Variants in METAP1D observed in about 807,000 individuals in gnomAD.
METAP1D encodes methionine aminopeptidase 1D, mitochondrial.
Under a neutral mutation model 40.5 loss-of-function variants are expected in METAP1D, and 31 were observed. That is an observed-to-expected ratio of 0.77 (90% CI 0.58 to 1.03). The LOEUF (loss-of-function observed/expected upper bound fraction) is 1.03. METAP1D is among the 50% of genes least tolerant of loss of function. The pLI, the probability that METAP1D is intolerant of heterozygous loss-of-function variation, is 0.00. For missense variants in METAP1D, 411 were observed against 420.7 expected (o/e 0.98, Z 0.20); for synonymous variants, 151 against 146.4 (o/e 1.03, Z -0.22).
chr2:172,017,235 T>TACACACACACAC (rs370746234), intron 1 of METAP1D, among the ~76,000 whole-genome samples: 2 of 139,438 alleles, frequency 1.4e-5, no homozygotes, highest in Admixed American at 7.4e-5. Context: ...TGAAAGGTTT[T>TACACACACACAC]ACACACACAC....
At chr2:172,028,228 A>G (rs1226504860) in intron 1 of METAP1D, among the ~76,000 whole-genome samples, 1 of 152,348 alleles carries the variant, frequency 6.6e-6, no homozygotes, top group East Asian at 1.9e-4. Context: ...CTGAGGCTCA[A>G]AGGCCATGAA....
At chr2:172,056,927 C>T (rs1048798824) in intron 1 of METAP1D, among the ~76,000 whole-genome samples, 2 of 152,136 alleles carry the variant, frequency 1.3e-5, no homozygotes, top group Admixed American at 1.3e-4. Flanking sequence ...TGTCTTCATT[C>T]TAAATGCTAA....
intron 1 of METAP1D, among the ~76,000 whole-genome samples, chr2:172,024,703 T>A (rs1233712668): frequency 6.6e-6 from 1 of 151,810 alleles, no homozygotes; most frequent in African/African-American, 2.4e-5. Flanking sequence ...AATGCCAAGC[T>A]ATTTCTTACA....
At chr2:172,056,005 G>A (rs569846649) in intron 1 of METAP1D, among the ~76,000 whole-genome samples, 29 of 152,130 alleles carry the variant, frequency 1.9e-4, no homozygotes, top group Non-Finnish European at 2.9e-4. Context: ...GAGGCCTGAT[G>A]ACTTCATGCT....
rs1689047311 is a variant in METAP1D at position 172,023,274 on chromosome 2, T to G, written c.40+23265T>G. The stretch of plus-strand genomic sequence containing the variant: ...ATTTGGAAATTTTAAAATGAAAAAT[T>G]GGGACACAGTCAAGTGGGAAAAGCA... On this transcript the variant is annotated intron_variant, in intron 1 of 9. Coordinates refer to ENST00000315796, the MANE Select transcript of METAP1D (RefSeq NM_199227.3). Among the ~76,000 whole-genome samples, 4 of 152,226 alleles carry G rather than the reference T, an allele frequency of 2.6e-5. No homozygotes were observed. The South Asian group carries it at 8.3e-4, about 32-fold the overall frequency.
At chr2:172,063,907 A>G (rs754896142) in intron 3 of METAP1D, 47 bp downstream of exon 3, 15 of 1,502,530 alleles carry the variant, frequency 1.0e-5, no homozygotes, top group Non-Finnish European at 1.3e-5. Flanking sequence ...GGGGCAACAA[A>G]CACTCCTCTT....
rs1284923898 is a variant in METAP1D at position 172,061,526 on chromosome 2, C to G, written c.69C>G (p.Leu23=). The G allele has an allele frequency of 2.5e-6, 4 of 1,612,596 alleles. No homozygotes were observed. The highest frequency in any genetic ancestry group is 1.1e-5 in the South Asian group (1 of 90,584). The change falls in exon 2 of 10, where the codon CTC becomes CTG. Residue 23 remains leucine, a synonymous_variant. Coordinates refer to ENST00000315796, the MANE Select transcript of METAP1D (RefSeq NM_199227.3). ...RGSHRIFSSP[L]NHIYLHKQSS... ...CTCATAGAATTTTCTCTTCACCACT[C>G]AATCATATCTACTTACACAAGCAGT...
At chr2:172,042,958 T>C (rs1399448972) in intron 1 of METAP1D, among the ~76,000 whole-genome samples, 1 of 126,730 alleles carries the variant, frequency 7.9e-6, no homozygotes, top group African/African-American at 2.7e-5. Flanking sequence ...TACCTGTGTA[T>C]ATATATGCGT....
rs1690667927 is a variant in METAP1D, at chr2:172,080,211, T to C, written c.929+5T>C. On this transcript the variant is annotated splice_donor_5th_base_variant and intron_variant, in intron 9 of 9. Coordinates refer to ENST00000315796, the MANE Select transcript of METAP1D (RefSeq NM_199227.3). ...GGTCTCCCTAGACAATCAAAGGTGT[T>C]TGCTTTCTGCTCTGTTGCTTTTAAA... 1.2e-6 allele frequency: 2 copies of C among 1,614,072 alleles called. No individual in the cohort carries two copies. Among genetic ancestry groups the C allele is most frequent in the Admixed American group, 3.3e-5 (2 of 60,002 alleles).
intron 1 of METAP1D, among the ~76,000 whole-genome samples, chr2:172,037,000 C>T (rs1165480665): frequency 6.6e-6 from 1 of 152,218 alleles, no homozygotes; most frequent in East Asian, 1.9e-4. Context: ...TGGCTCACGC[C>T]TGTAATTCCA....
At chr2:172,002,669 T>G (rs1435195530) in intron 1 of METAP1D, among the ~76,000 whole-genome samples, 1 of 152,130 alleles carries the variant, frequency 6.6e-6, no homozygotes, top group Non-Finnish European at 1.5e-5. Context: ...AGTTTTAAAT[T>G]GCAGAGAGGT....
chr2:172,073,367 T>A (rs1690468996), intron 6 of METAP1D, among the ~76,000 whole-genome samples: 1 of 151,892 alleles, frequency 6.6e-6, no homozygotes, highest in Non-Finnish European at 1.5e-5. Flanking sequence ...ATTCACTACA[T>A]TAATTCTAGC....
chr2:172,061,451 G>A (rs747662602), intron 1 of METAP1D, 47 bp from the exon 2 acceptor site: 50 of 1,534,150 alleles, frequency 3.3e-5, no homozygotes, highest in Non-Finnish European at 4.2e-5. Flanking sequence ...GTGGAGGACT[G>A]TGTTAGGTTG....
At chr2:172,008,115 GTATTATA>G (rs1460892501) in intron 1 of METAP1D, among the ~76,000 whole-genome samples, 1 of 151,018 alleles carries the variant, frequency 6.6e-6, no homozygotes, top group Non-Finnish European at 1.5e-5. Context: ...TTTGCTGATG[GTATTATA>G]TTCCACAGGG....
intron 1 of METAP1D, among the ~76,000 whole-genome samples, chr2:172,010,749 T>TG (rs1257706293): frequency 3.7e-5 from 3 of 80,020 alleles, no homozygotes; most frequent in Non-Finnish European, 9.8e-5. Flanking sequence ...CTGCCCAATG[T>TG]TTTTTTTTTT....
chr2:172,017,333 G>GTA (rs962716638), intron 1 of METAP1D, among the ~76,000 whole-genome samples: 2 of 148,840 alleles, frequency 1.3e-5, no homozygotes, highest in African/African-American at 4.9e-5. Flanking sequence ...ATATATATGT[G>GTA]TATATATATG....
chr2:172,078,039 G>C (rs1308640248), intron 7 of METAP1D, 145 bp downstream of exon 7: 2 of 373,282 alleles, frequency 5.4e-6, no homozygotes, highest in Non-Finnish European at 5.1e-6. Flanking sequence ...AGGGGAGGGG[G>C]GTCTGCTTAA....
intron 1 of METAP1D, among the ~76,000 whole-genome samples, chr2:172,039,403 T>A (rs1420566589): frequency 6.6e-6 from 1 of 152,210 alleles, no homozygotes; most frequent in Non-Finnish European, 1.5e-5. Context: ...TCAGGGTTAC[T>A]CCCAGGAAAC....
chr2:172,006,925 G>A (rs931526290), intron 1 of METAP1D, among the ~76,000 whole-genome samples: 1 of 151,800 alleles, frequency 6.6e-6, no homozygotes, highest in African/African-American at 2.4e-5. Context: ...TTCTTCTTAC[G>A]TTGTACATAT....
Sources: allele counts gnomAD v4.1 joint callset (sites outside exome capture counted in the v4.1 genomes callset), GRCh38; gene constraint gnomAD v4.1.1; transcripts MANE v1.5; gene names NCBI Gene and HGNC (gene_info 2026-07-23, HGNC 2026-07-21).